QTRT1: variants seen among roughly 807,000 people sequenced by gnomAD.
QTRT1 encodes the protein TGT, 43-KD subunit.
In QTRT1, 41 loss-of-function variants were observed where a neutral mutation model predicts 44.0. That is an observed-to-expected ratio of 0.93 (90% CI 0.73 to 1.21). The LOEUF (loss-of-function observed/expected upper bound fraction) is 1.21, where lower values mean the gene tolerates loss of function less well. Among genes scored for constraint, QTRT1 ranks in the 50% most tolerant of loss-of-function variants. The probability of loss-of-function intolerance (pLI) is 0.00; values close to 1 mark genes in which losing one functional copy is unlikely to be tolerated. For missense variants in QTRT1, 542 were observed against 575.8 expected, an observed-to-expected ratio of 0.94 and a Z score of 0.60; for synonymous variants, 226 against 237.1, an observed-to-expected ratio of 0.95 and a Z score of 0.43.
In QTRT1 at chr19:10,712,319, G is replaced by T. The variant is rs1435920503; in HGVS notation, c.785+20G>T. On this transcript the variant is annotated intron_variant, in intron 6 of 9. Coordinates refer to ENST00000250237, the MANE Select transcript of QTRT1 (RefSeq NM_031209.3). The surrounding 1 kb of genome is among the most constrained non-coding windows in gnomAD (Gnocchi z 5.6). ...GGTTGGGTATGTTGTGGATAGGGAA[G>T]CCAGAGCCCTACCTGTGGGAAGTGG... 4.4e-6 allele frequency: 7 copies of T among 1,595,764 alleles called. No individual in the cohort carries two copies. Among genetic ancestry groups the T allele is most frequent in the Admixed American group, 3.4e-5 (2 of 58,550 alleles).
intron 5 of QTRT1, among the ~76,000 whole-genome samples, chr19:10,709,902 T>A (rs2068730974): frequency 6.6e-6 from 1 of 151,604 alleles, no homozygotes; most frequent in Non-Finnish European, 1.5e-5. Context: ...TCTTAGCTAC[T>A]CGGGAGGCTG....
chr19:10,713,268 T>C lies in QTRT1; in HGVS notation c.1210T>C (p.Ter404ArgextTer19). ...GGCCTCTGTGGGAATCACACTGGGC[T>C]GACCTGGCATTGGGAGAGGGAGGGA... is the stretch of plus-strand genomic sequence containing the variant. ...ALASVGITLG[*>R] The change falls in exon 10 of 10, where the codon TGA (stop) becomes CGA (arginine). Residue 404 changes from the stop codon to arginine (R), a stop_lost. Coordinates refer to ENST00000250237, the MANE Select transcript of QTRT1 (RefSeq NM_031209.3). The surrounding 1 kb of genome is among the most constrained non-coding windows in gnomAD (Gnocchi z 4.3). 1 of 1,584,850 alleles carries C rather than the reference T, an allele frequency of 6.3e-7. No homozygotes were observed. Among genetic ancestry groups the C allele is most frequent in the Non-Finnish European group, 8.6e-7 (1 of 1,165,960 alleles).
Position 10,709,570 on chromosome 19 carries a change from G to A in QTRT1, c.646+1955G>A, listed in dbSNP as rs925655441. On this transcript the variant is annotated intron_variant, in intron 5 of 9. Coordinates refer to ENST00000250237, the MANE Select transcript of QTRT1 (RefSeq NM_031209.3). ...CTACTAAAAATACAAAAATTAGGCC[G>A]GGCGTGGTGGCTCGCGCCTGTAATC... Among the ~76,000 whole-genome samples, 25 of 152,212 alleles carry A rather than the reference G, an allele frequency of 1.6e-4. No homozygotes were observed. The Middle Eastern group carries it at 0.01, about 63-fold the overall frequency.
chr19:10,710,767 CA>C, intron 5 of QTRT1, among the ~76,000 whole-genome samples: 1 of 151,256 alleles, frequency 6.6e-6, no homozygotes, highest in Non-Finnish European at 1.5e-5. Flanking sequence ...ATTAAAAATA[CA>C]AAAAATTAGC....
intron 3 of QTRT1, among the ~76,000 whole-genome samples, chr19:10,705,898 C>CAGGCTGGA (rs2145620436): frequency 8.6e-6 from 1 of 116,256 alleles, no homozygotes; most frequent in Admixed American, 1.2e-4. Context: ...CTCTGTCACT[C>CAGGCTGGA]AGGCTGGAGT....
At position 10,701,455 on chromosome 19, in the gene QTRT1, G is replaced by C. The variant is rs763914076; in HGVS notation, c.-6G>C. 3.2e-6 allele frequency: 5 copies of C among 1,541,574 alleles called. No individual in the cohort carries two copies. The highest frequency in any genetic ancestry group is 4.4e-6 in the Non-Finnish European group (5 of 1,142,832). On this transcript the variant is annotated 5_prime_UTR_variant, in exon 1 of 10. Transcript: ENST00000250237. ...TGGTACGGCCCACGTGGTTCCGACA[G>C]TCAAGATGGCGGGAGCAGCTACCCA...
chr19:10,707,211 T>G, intron 3 of QTRT1, 91 bp from the exon 4 acceptor site: 1 of 1,302,806 alleles, frequency 7.7e-7, no homozygotes, highest in African/African-American at 1.4e-5. Flanking sequence ...GGGGATGCTC[T>G]TGGGGAAGTC....
At chr19:10,711,307 G>A (rs189917231) in intron 5 of QTRT1, 2 of 152,132 alleles carry the variant, frequency 1.3e-5, no homozygotes, top group Non-Finnish European at 2.9e-5. Context: ...GTGTAGCTGG[G>A]ACTGCGGGTG....
At position 10,713,330 on chromosome 19, in the gene QTRT1, G is replaced by A; in HGVS notation, c.*60G>A. 1 of 1,570,706 alleles carries A rather than the reference G, an allele frequency of 6.4e-7. No homozygotes were observed. Among genetic ancestry groups the A allele is most frequent in the Non-Finnish European group, 8.6e-7 (1 of 1,157,826 alleles). ...AGGGAGGGGCTGGAAGATACTGAAGGATTCCTTTTTGAAAGGTTTTTTTTA... is the reference window on the plus strand; with the variant it reads ...AGGGAGGGGCTGGAAGATACTGAAGAATTCCTTTTTGAAAGGTTTTTTTTA... On this transcript the variant is annotated 3_prime_UTR_variant, in exon 10 of 10. Coordinates refer to ENST00000250237, the MANE Select transcript of QTRT1 (RefSeq NM_031209.3). This position sits in a 1 kb window ranked among gnomAD's most constrained non-coding sequence, Gnocchi z 4.3.
intron 5 of QTRT1, 75 bp downstream of exon 5, chr19:10,707,690 C>G (rs2068720918): frequency 2.7e-6 from 3 of 1,113,200 alleles, no homozygotes; most frequent in East Asian, 2.5e-5. Flanking sequence ...TATGGCGGGA[C>G]TGGATTGCTA....
chr19:10,701,710 G>T lies in QTRT1; in HGVS notation c.243+7G>T. 1 of 1,571,252 alleles carries T rather than the reference G, an allele frequency of 6.4e-7. No individual in the cohort carries two copies. The highest frequency in any genetic ancestry group is 8.6e-7 in the Non-Finnish European group (1 of 1,158,676). ...CCATCTGGGTCTAAGGCCGGTGGGT[G>T]GGCTCTGCCCGCGCGGGGAGGCGGC... On this transcript the variant is annotated splice_region_variant and intron_variant, in intron 1 of 9. Transcript: ENST00000250237.
intron 3 of QTRT1, 139 bp from the exon 4 acceptor site, chr19:10,707,163 C>T (rs545918772): frequency 1.8e-4 from 144 of 793,504 alleles, no homozygotes; most frequent in Non-Finnish European, 2.0e-4. Flanking sequence ...ATAAACAGAC[C>T]GGGAAAGTCA....
rs1215470631 is a variant in QTRT1, at chr19:10,713,102, C to T, written c.1060-16C>T. The T allele has an allele frequency of 6.2e-7, 1 of 1,608,576 alleles. No homozygotes were observed. Among genetic ancestry groups the T allele is most frequent in the Admixed American group, 1.7e-5 (1 of 59,946 alleles). On this transcript the variant is annotated splice_polypyrimidine_tract_variant and intron_variant, in intron 9 of 9. Transcript: ENST00000250237. The surrounding 1 kb of genome is among the most constrained non-coding windows in gnomAD (Gnocchi z 4.3). The stretch of plus-strand genomic sequence containing the variant: ...CCTAGGTGCGTATGCCCCACGCTGA[C>T]CTCCCCTCCCCGCAGCTGCAGCTCA...
chr19:10,704,859 T>G (rs1176722167), intron 3 of QTRT1, among the ~76,000 whole-genome samples: 1 of 151,854 alleles, frequency 6.6e-6, no homozygotes, highest in Non-Finnish European at 1.5e-5. Flanking sequence ...AGTGCTGGCA[T>G]TACAGGTGTG....
Position 10,712,180 on chromosome 19 carries a change from G to C in QTRT1, c.666G>C (p.Val222=). 6.2e-7 allele frequency: 1 copy of C among 1,613,300 alleles called. No homozygotes were observed. Among genetic ancestry groups the C allele is most frequent in the Non-Finnish European group, 8.5e-7 (1 of 1,180,046 alleles). Residue 222 remains valine (V), a synonymous_variant, in exon 6 of 10, where the codon GTG becomes GTC. Coordinates refer to ENST00000250237, the MANE Select transcript of QTRT1 (RefSeq NM_031209.3). This position sits in a 1 kb window ranked among gnomAD's most constrained non-coding sequence, Gnocchi z 5.6. ...TCLEEMTKRD[V]PGFAIGGLSG... ...CCTCAGAGATGACCAAGCGAGACGT[G>C]CCTGGCTTCGCCATCGGGGGCCTGA...
At chr19:10,703,067 CTT>C (rs35329214) in intron 3 of QTRT1, among the ~76,000 whole-genome samples, 108 of 43,042 alleles carry the variant, frequency 2.5e-3, no homozygotes, top group African/African-American at 6.0e-3. Context: ...CCACACCTGG[CTT>C]TTTTTTTTTT....
intron 5 of QTRT1, among the ~76,000 whole-genome samples, chr19:10,708,755 T>C (rs1292791865): frequency 6.8e-6 from 1 of 147,304 alleles, no homozygotes; most frequent in Non-Finnish European, 1.5e-5. Context: ...CTGCATTCCT[T>C]TTTTTTTTTT....
intron 5 of QTRT1, among the ~76,000 whole-genome samples, chr19:10,710,474 G>T (rs992144760): frequency 4.9e-4 from 75 of 151,784 alleles, no homozygotes; most frequent in African/African-American, 1.6e-3. Context: ...CAGCCACCAC[G>T]CCTGGCCAAT....
intron 3 of QTRT1, among the ~76,000 whole-genome samples, chr19:10,706,438 T>C (rs1433285669): frequency 6.6e-6 from 1 of 152,128 alleles, no homozygotes; most frequent in Non-Finnish European, 1.5e-5. Context: ...AGTGGTGCAA[T>C]CTTAGCTCAC....
Sources: gnomAD v4.1 joint callset for allele counts (sites outside exome capture counted in the v4.1 genomes callset) on GRCh38, gnomAD v4.1.1 for gene constraint, Gnocchi (gnomAD v3.1) non-coding constraint, MANE v1.5 for transcripts, NCBI Gene and HGNC (gene_info 2026-07-23, HGNC 2026-07-21) for gene names.